The following DARS1 variants were observed in gnomAD, a reference collection of about 807,000 sequenced individuals.
The protein encoded by DARS1 is aspartate--tRNA ligase, cytoplasmic.
DARS1 carries 51 observed loss-of-function variants against 68.8 expected under a neutral mutation model. The ratio of observed to expected loss-of-function variants is 0.74; its 90% CI spans 0.59 to 0.94. DARS1 has a LOEUF of 0.94. Ranked by LOEUF, DARS1 falls within the 40% of genes least tolerant of loss-of-function variation. The probability of loss-of-function intolerance (pLI) is 0.00; values close to 1 mark genes in which losing one functional copy is unlikely to be tolerated. For synonymous variants in DARS1, 203 were observed against 190.4 expected (o/e 1.07, Z -0.55); for missense variants, 607 against 597.3 (o/e 1.02, Z -0.17).
chr2:135,959,114 G>A (rs902329949), intron 4 of DARS1, among the ~76,000 whole-genome samples: 32 of 151,892 alleles, frequency 2.1e-4, no homozygotes, highest in African/African-American at 7.5e-4. Flanking sequence ...ACCCATGGCC[G>A]GCTGCGGTGG....
intron 5 of DARS1, among the ~76,000 whole-genome samples, chr2:135,934,840 G>A (rs1024155741): frequency 6.7e-6 from 1 of 149,384 alleles, no homozygotes; most frequent in African/African-American, 2.5e-5. Flanking sequence ...TGTCACCCAG[G>A]CTGGAGTGCA....
chr2:135,975,064 G>A (rs1351145662), intron 3 of DARS1, among the ~76,000 whole-genome samples: 2 of 152,164 alleles, frequency 1.3e-5, no homozygotes, highest in African/African-American at 4.8e-5. Flanking sequence ...CAATGATGCG[G>A]CCGGGCATAG....
At chr2:135,947,823 G>GAAA (rs758373832) in intron 4 of DARS1, among the ~76,000 whole-genome samples, 1 of 131,490 alleles carries the variant, frequency 7.6e-6, no homozygotes, top group East Asian at 2.1e-4. Flanking sequence ...TAGTTTCTGT[G>GAAA]AAAAAAAAAA....
At chr2:135,934,469 A>G (rs1681423599) in intron 5 of DARS1, among the ~76,000 whole-genome samples, 1 of 151,986 alleles carries the variant, frequency 6.6e-6, no homozygotes, top group Non-Finnish European at 1.5e-5. Flanking sequence ...AAAAAACACA[A>G]AAATTAGCCA....
intron 3 of DARS1, among the ~76,000 whole-genome samples, chr2:135,971,671 T>A (rs1249700534): frequency 6.6e-6 from 1 of 152,170 alleles, no homozygotes. Context: ...GTGGATGCTA[T>A]GATCTTATAT....
intron 10 of DARS1, among the ~76,000 whole-genome samples, chr2:135,918,312 A>G (rs1165669050): frequency 6.6e-6 from 1 of 152,178 alleles, no homozygotes; most frequent in Non-Finnish European, 1.5e-5. Context: ...GACTATCAAT[A>G]CTTTAAAATA....
intron 13 of DARS1, among the ~76,000 whole-genome samples, chr2:135,911,973 C>T (rs1270570851): frequency 6.6e-6 from 1 of 151,958 alleles, no homozygotes; most frequent in Non-Finnish European, 1.5e-5. Flanking sequence ...GTGGGGCCTG[C>T]AAATTATCAG....
intron 10 of DARS1, among the ~76,000 whole-genome samples, chr2:135,918,735 G>A (rs1384422414): frequency 6.6e-6 from 1 of 152,060 alleles, no homozygotes; most frequent in Non-Finnish European, 1.5e-5. Flanking sequence ...TTTAAAAAAT[G>A]AGTTTCTGAA....
intron 7 of DARS1, among the ~76,000 whole-genome samples, chr2:135,927,572 A>T: frequency 6.6e-6 from 1 of 151,934 alleles, no homozygotes; most frequent in East Asian, 1.9e-4. Flanking sequence ...CATAATATGT[A>T]AAAAAAATAA....
At chr2:135,910,966 G>A (rs1680883334) in intron 15 of DARS1, 173 bp downstream of exon 15, 5 of 511,450 alleles carry the variant, frequency 9.8e-6, no homozygotes, top group Non-Finnish European at 1.8e-5. Flanking sequence ...AAAAAAAATG[G>A]CTAGAACTTT....
chr2:135,940,312 C>A (rs572142129), intron 5 of DARS1, among the ~76,000 whole-genome samples: 1 of 152,264 alleles, frequency 6.6e-6, no homozygotes, highest in East Asian at 1.9e-4. Flanking sequence ...TTATCCACTA[C>A]CATTAAGCTG....
chr2:135,918,345 A>C (rs1450372686), intron 10 of DARS1, among the ~76,000 whole-genome samples: 1 of 152,188 alleles, frequency 6.6e-6, no homozygotes, highest in African/African-American at 2.4e-5. Context: ...TATTTTATAC[A>C]CATATATATT....
At chr2:135,956,545 A>G (rs149811379) in intron 4 of DARS1, among the ~76,000 whole-genome samples, 67 of 152,266 alleles carry the variant, frequency 4.4e-4, no homozygotes, top group African/African-American at 1.6e-3. Context: ...ACTAAAACTG[A>G]ACAATGCAGG....
chr2:135,963,680 ACTT>A lies in DARS1; in HGVS notation c.218-2185_218-2183del, dbSNP rs572348980. Among the ~76,000 whole-genome samples the A allele has an allele frequency of 6.7e-3, 845 of 126,402 alleles. 8 individuals are homozygous for A. The highest frequency in any genetic ancestry group is 0.024 in the African/African-American group (806 of 33,180). The allele number at this position is 126,402 out of a possible 152,430, so 82.9% of individuals were successfully genotyped here. On this transcript the variant is annotated intron_variant, in intron 3 of 15. Transcript: ENST00000264161. Reference sequence around the variant, plus strand: ...AGCCATCGCGCCTGGCCTATTAATGACTTCTTTTTTTTTTTTTGAGATGGCATC... The same window carrying A: ...AGCCATCGCGCCTGGCCTATTAATGACTTTTTTTTTTTTTGAGATGGCATC...
chr2:135,943,400 T>A lies in DARS1; in HGVS notation c.401A>T (p.Asp134Val), dbSNP rs1681650859. The change falls in exon 5 of 16, where the codon GAC becomes GTC. Residue 134 changes from aspartate to valine, a missense_variant. Asp to Val is a radical substitution (Grantham distance 152, BLOSUM62 -3). Transcript: ENST00000264161. ...NQKIGSCTQQ[D>V]VELHVQKIYV... is the part of the protein sequence containing the mutation. The stretch of plus-strand genomic sequence containing the variant: ...TACCTTCTGAACATGTAACTCAACG[T>A]CTTGCTGTGTACAGCTTCCAATTTT... The A allele has an allele frequency of 6.2e-7, 1 of 1,613,368 alleles. No individual in the cohort carries two copies. Among genetic ancestry groups the A allele is most frequent in the African/African-American group, 1.3e-5 (1 of 74,902 alleles).
chr2:135,907,474 A>G, intron 15 of DARS1, 67 bp from the exon 16 acceptor site: 1 of 1,025,582 alleles, frequency 9.8e-7, no homozygotes, highest in Non-Finnish European at 1.5e-6. Flanking sequence ...TTAGAACTAC[A>G]AACATAAATG....
rs138156835 is a variant in DARS1 at position 135,962,851 on chromosome 2, G to A, written c.218-1353C>T. Among the ~76,000 whole-genome samples, 220 of 152,178 alleles carry A rather than the reference G, an allele frequency of 1.4e-3. 1 individual carries two copies. Among genetic ancestry groups the A allele is most frequent in the Non-Finnish European group, 2.7e-3 (185 of 67,988 alleles). ...ATGAATAAAAATAACATTTTCCTAG[G>A]AACTACTACTGAAACCACAGCCACG... On this transcript the variant is annotated intron_variant, in intron 3 of 15. Transcript: ENST00000264161.
At chr2:135,921,628 T>C (rs1299165645) in intron 9 of DARS1, among the ~76,000 whole-genome samples, 1 of 152,232 alleles carries the variant, frequency 6.6e-6, no homozygotes, top group African/African-American at 2.4e-5. Context: ...GATATGTATG[T>C]ATGTCTTAGT....
chr2:135,926,850 C>T (rs1681222163), intron 7 of DARS1, among the ~76,000 whole-genome samples: 1 of 151,998 alleles, frequency 6.6e-6, no homozygotes, highest in Non-Finnish European at 1.5e-5. Flanking sequence ...GTCCTCAGGC[C>T]CAGGTTAGTC....
Sources: allele counts gnomAD v4.1 joint callset (sites outside exome capture counted in the v4.1 genomes callset), GRCh38; gene constraint gnomAD v4.1.1; transcripts MANE v1.5; gene names NCBI Gene and HGNC (gene_info 2026-07-23, HGNC 2026-07-21).